ITGA11: variants seen among roughly 807,000 people sequenced by gnomAD.
The protein encoded by ITGA11 is integrin subunit alpha 11, also known as integrin alpha-11.
In ITGA11, 97 loss-of-function variants were observed where a neutral mutation model predicts 141.9. The observed-to-expected ratio is 0.68, with a 90% CI of 0.58 to 0.81. The LOEUF (loss-of-function observed/expected upper bound fraction) is 0.81. Ranked by LOEUF, ITGA11 falls within the 30% of genes least tolerant of loss-of-function variation. The pLI is 0.00. For missense variants in ITGA11, 1,387 were observed against 1,559.2 expected (o/e 0.89, Z 1.86); for synonymous variants, 658 against 624.6 (o/e 1.05, Z -0.80).
rs1031926313 is a variant in ITGA11 at position 68,307,153 on chromosome 15, G to T, written c.3381+195C>A. ...ACACCAGACCTCTGGACCTTCCCTA[G>T]TGTTGCCCCTGAGGCTTTGTCTTGC... On this transcript the variant is annotated intron_variant, in intron 28 of 29. Transcript: ENST00000315757. The surrounding 1 kb of genome is among the most constrained non-coding windows in gnomAD (Gnocchi z 6.1). 3.3e-5 allele frequency among the ~76,000 whole-genome samples: 5 copies of T among 152,188 alleles called. No homozygotes were observed. Among genetic ancestry groups the T allele is most frequent in the African/African-American group, 7.2e-5 (3 of 41,450 alleles).
chr15:68,381,557 C>T (rs993539816), intron 2 of ITGA11, among the ~76,000 whole-genome samples: 2 of 69,812 alleles, frequency 2.9e-5, no homozygotes. Flanking sequence ...GACAGCATTC[C>T]AATTTTTTTT....
intron 16 of ITGA11, 147 bp downstream of exon 16, chr15:68,327,949 A>T: frequency 1.4e-6 from 1 of 722,400 alleles, no homozygotes; most frequent in Non-Finnish European, 2.2e-6. Context: ...TGAGAGCATC[A>T]AATGGGATCC....
intron 11 of ITGA11, among the ~76,000 whole-genome samples, chr15:68,337,913 G>A (rs766797301): frequency 2.6e-4 from 40 of 152,198 alleles, no homozygotes; most frequent in Non-Finnish European, 4.0e-4. Flanking sequence ...GGCCCTTCTT[G>A]GCTTATTTGA....
intron 19 of ITGA11, 61 bp from the exon 20 acceptor site, chr15:68,320,453 G>A: frequency 2.1e-6 from 3 of 1,456,282 alleles, no homozygotes; most frequent in South Asian, 1.2e-5. Flanking sequence ...GGGTAGAGAG[G>A]AGCCCCAGGG....
At position 68,336,073 on chromosome 15, in the gene ITGA11, A is replaced by C. The variant is rs894518494; in HGVS notation, c.1277-228T>G. On this transcript the variant is annotated intron_variant, in intron 11 of 29. Transcript: ENST00000315757. ...TTGGAGGGTAGGGAGAACTCACTGC[A>C]CCCCAGCCCCTGCTGGAGAAAATAA... 3.9e-5 allele frequency: 23 copies of C among 582,410 alleles called. No homozygotes were observed. The African/African-American group carries it at 4.3e-4, about 11-fold the overall frequency. The allele number at this position is 582,410 out of a possible 1,614,324, so 36.1% of individuals were successfully genotyped here. A position where few individuals can be genotyped will look rare whatever the true frequency, so the allele number is the denominator to read the frequency against.
In ITGA11 at chr15:68,332,362, C is replaced by T; in HGVS notation, c.1542G>A (p.Lys514=). ...MYFNEGRERG[K]VYVYELRQNL... is the part of the protein sequence containing the mutation. ...CCTGTCTCAGCTCATAGACGTACAC[C>T]TTGCCTCGCTCACGGCCCTCGTTGA... The change falls in exon 13 of 30, where the codon AAG becomes AAA. Residue 514 remains lysine (K), a synonymous_variant. Coordinates refer to ENST00000315757, the MANE Select transcript of ITGA11 (RefSeq NM_001004439.2). The T allele has an allele frequency of 6.2e-7, 1 of 1,608,232 alleles. No homozygotes were observed. Among genetic ancestry groups the T allele is most frequent in the Non-Finnish European group, 8.5e-7 (1 of 1,177,866 alleles).
Position 68,303,456 on chromosome 15 carries a change from T to C in ITGA11, c.3495+316A>G, listed in dbSNP as rs2140258646. Among the ~76,000 whole-genome samples, 1 of 152,020 alleles carries C rather than the reference T, an allele frequency of 6.6e-6. No individual in the cohort carries two copies. Among genetic ancestry groups the C allele is most frequent in the Non-Finnish European group, 1.5e-5 (1 of 67,988 alleles). On this transcript the variant is annotated intron_variant, in intron 29 of 29. Coordinates refer to ENST00000315757, the MANE Select transcript of ITGA11 (RefSeq NM_001004439.2). This position sits in a 1 kb window ranked among gnomAD's most constrained non-coding sequence, Gnocchi z 5.3. The stretch of plus-strand genomic sequence containing the variant: ...GTAACCAGAGCTTCAGAGACAGAGA[T>C]GGACTTCGGGAGGTTTGTTAACAGC...
chr15:68,332,289 C>A, intron 13 of ITGA11, 49 bp downstream of exon 13: 1 of 1,562,116 alleles, frequency 6.4e-7, no homozygotes, highest in Non-Finnish European at 8.7e-7. Context: ...CAAGTCAAAG[C>A]AGAGGTTGGG....
chr15:68,328,264 T>C lies in ITGA11; in HGVS notation c.1902-2A>G, dbSNP rs1894045777. On this transcript the variant is annotated splice_acceptor_variant, in intron 15 of 29. Coordinates refer to ENST00000315757, the MANE Select transcript of ITGA11 (RefSeq NM_001004439.2). LOFTEE classifies it high-confidence loss of function. This position sits in a 1 kb window ranked among gnomAD's most constrained non-coding sequence, Gnocchi z 4.8. ...TTGATCTGAACCACTGGGCGGGACC[T>C]GGAGGAGAAGGGCCAGTGAGCTGGG... 2 of 1,611,802 alleles carry C rather than the reference T, an allele frequency of 1.2e-6. No individual in the cohort carries two copies. Among genetic ancestry groups the C allele is most frequent in the Non-Finnish European group, 1.7e-6 (2 of 1,178,820 alleles).
intron 9 of ITGA11, 21 bp downstream of exon 9, chr15:68,350,596 C>T (rs1894875487): frequency 6.2e-7 from 1 of 1,608,064 alleles, no homozygotes; most frequent in East Asian, 2.2e-5. Context: ...AGTGGATCCC[C>T]TCTTAGCATG....
At chr15:68,394,365 C>G (rs2899736) in intron 2 of ITGA11, among the ~76,000 whole-genome samples, 1 of 151,876 alleles carries the variant, frequency 6.6e-6, no homozygotes, top group Non-Finnish European at 1.5e-5. Context: ...AAATAACCCA[C>G]GGTCCAAGGA....
Position 68,361,715 on chromosome 15 carries a change from C to T in ITGA11, c.358-11G>A. 6.4e-7 allele frequency: 1 copy of T among 1,559,582 alleles called. No homozygotes were observed. Among genetic ancestry groups the T allele is most frequent in the Non-Finnish European group, 8.8e-7 (1 of 1,140,194 alleles). ...GAGGGGGCTGCAGGCCTGGGGAGGG[C>T]AGTGCAGATCCCCAGTCAGTGAGGG... On this transcript the variant is annotated splice_polypyrimidine_tract_variant and intron_variant, in intron 4 of 29. Transcript: ENST00000315757.
intron 19 of ITGA11, among the ~76,000 whole-genome samples, 189 bp from the exon 20 acceptor site, chr15:68,320,581 C>A (rs1168762727): frequency 6.6e-6 from 1 of 152,202 alleles, no homozygotes; most frequent in Non-Finnish European, 1.5e-5. Flanking sequence ...AAGACCACTT[C>A]CTATTTCAAA....
chr15:68,321,107 G>A lies in ITGA11; in HGVS notation c.2408+311C>T, dbSNP rs992784082. Among the ~76,000 whole-genome samples the A allele has an allele frequency of 6.6e-6, 1 of 151,802 alleles. No homozygotes were observed. The highest frequency in any genetic ancestry group is 1.5e-5 in the Non-Finnish European group (1 of 67,984). On this transcript the variant is annotated intron_variant, in intron 19 of 29. Transcript: ENST00000315757. This position sits in a 1 kb window ranked among gnomAD's most constrained non-coding sequence, Gnocchi z 4.9. ...TGAAGGACAAGCACCCAGAACTCCA[G>A]AGACTCCTGTCTCTACCTTTCATCT...
chr15:68,303,014 G>T lies in ITGA11; in HGVS notation c.*45C>A. ...CAGGCCTGGGTCTCAACACTACCTGGACTGGTGTCCTGGCCCCCATCAACT... is the reference window on the plus strand; with the variant it reads ...CAGGCCTGGGTCTCAACACTACCTGTACTGGTGTCCTGGCCCCCATCAACT... On this transcript the variant is annotated 3_prime_UTR_variant, in exon 30 of 30. Coordinates refer to ENST00000315757, the MANE Select transcript of ITGA11 (RefSeq NM_001004439.2). The surrounding 1 kb of genome is among the most constrained non-coding windows in gnomAD (Gnocchi z 5.3). 1.4e-6 allele frequency: 2 copies of T among 1,470,924 alleles called. No individual in the cohort carries two copies. The highest frequency in any genetic ancestry group is 1.9e-6 in the Non-Finnish European group (2 of 1,080,038). 91.1% of individuals were successfully genotyped at this position (1,470,924 alleles called of 1,614,324 possible).
chr15:68,413,741 C>T (rs1251464952), intron 1 of ITGA11, among the ~76,000 whole-genome samples: 3 of 152,152 alleles, frequency 2.0e-5, no homozygotes, highest in Non-Finnish European at 4.4e-5. Flanking sequence ...TTCCAGTTGT[C>T]GGCACTCGAG....
chr15:68,364,594 TG>T, intron 4 of ITGA11, 112 bp downstream of exon 4: 1 of 822,050 alleles, frequency 1.2e-6, no homozygotes, highest in Non-Finnish European at 2.0e-6. Flanking sequence ...GTGGTTGGAG[TG>T]GGGGAGAGTG....
intron 1 of ITGA11, among the ~76,000 whole-genome samples, chr15:68,430,268 C>T (rs1186329121): frequency 6.6e-6 from 1 of 152,080 alleles, no homozygotes; most frequent in Non-Finnish European, 1.5e-5. Flanking sequence ...CATTAACAAC[C>T]ATTGATTAAA....
chr15:68,415,298 C>A (rs11858671), intron 1 of ITGA11, among the ~76,000 whole-genome samples: 68,621 of 151,892 alleles, frequency 0.45, 16,652 homozygotes, highest in East Asian at 0.72. Context: ...CTGGAGAAGA[C>A]GGGGAGGAAT....
Sources: allele counts gnomAD v4.1 joint callset (sites outside exome capture counted in the v4.1 genomes callset), GRCh38; gene constraint gnomAD v4.1.1; non-coding constraint Gnocchi (gnomAD v3.1); transcripts MANE v1.5; gene names NCBI Gene and HGNC (gene_info 2026-07-23, HGNC 2026-07-21).